Variants in CDH12 observed in about 807,000 individuals in gnomAD.
The protein encoded by CDH12 is cadherin 12, also known as cadherin-12.
In CDH12, 41 loss-of-function variants were observed where a neutral mutation model predicts 74.1. The ratio of observed to expected loss-of-function variants is 0.55; its 90% CI spans 0.43 to 0.72. The LOEUF is 0.72. CDH12 is among the 30% of genes least tolerant of loss of function. The probability of loss-of-function intolerance (pLI) is 0.00; values close to 1 mark genes in which losing one functional copy is unlikely to be tolerated. For missense variants in CDH12, 945 were observed against 977.2 expected (o/e 0.97, Z 0.44); for synonymous variants, 399 against 355.0 (o/e 1.12, Z -1.39).
At chr5:22,429,730 C>T (rs1055216920) in intron 2 of CDH12, among the ~76,000 whole-genome samples, 3 of 152,070 alleles carry the variant, frequency 2.0e-5, no homozygotes, top group African/African-American at 7.2e-5. Flanking sequence ...ATGTTTAATG[C>T]TAAGTTATTC....
intron 1 of CDH12, among the ~76,000 whole-genome samples, chr5:22,792,690 G>T (rs553057854): frequency 6.6e-6 from 1 of 152,046 alleles, no homozygotes; most frequent in African/African-American, 2.4e-5. Context: ...AATTTGAGTC[G>T]GTTCTGAGGA....
At chr5:22,751,826 T>C (rs1745591122) in intron 1 of CDH12, among the ~76,000 whole-genome samples, 1 of 152,226 alleles carries the variant, frequency 6.6e-6, no homozygotes, top group Non-Finnish European at 1.5e-5. Flanking sequence ...CCATACATAT[T>C]TATCATGTGT....
intron 6 of CDH12, among the ~76,000 whole-genome samples, chr5:21,947,506 A>G (rs1755633136): frequency 6.6e-6 from 1 of 152,206 alleles, no homozygotes; most frequent in South Asian, 2.1e-4. Context: ...TAGCAAAGAG[A>G]CTAGAAGCAT....
chr5:22,328,264 A>G (rs1739208418), intron 3 of CDH12, among the ~76,000 whole-genome samples: 1 of 152,230 alleles, frequency 6.6e-6, no homozygotes, highest in Non-Finnish European at 1.5e-5. Context: ...CTGTTCATAC[A>G]TAGTTACTAG....
At chr5:22,466,389 G>C (rs1051949231) in intron 2 of CDH12, among the ~76,000 whole-genome samples, 5 of 152,184 alleles carry the variant, frequency 3.3e-5, no homozygotes. Flanking sequence ...GAACTGGGAT[G>C]TACAGACCAA....
chr5:22,748,376 A>G (rs2127029762), intron 1 of CDH12, among the ~76,000 whole-genome samples: 1 of 152,240 alleles, frequency 6.6e-6, no homozygotes, highest in Non-Finnish European at 1.5e-5. Flanking sequence ...AAATATAGAT[A>G]ATACTGGCAG....
At chr5:22,249,271 A>C (rs542446776) in intron 3 of CDH12, among the ~76,000 whole-genome samples, 1 of 152,336 alleles carries the variant, frequency 6.6e-6, no homozygotes, top group East Asian at 1.9e-4. Context: ...AGGTTAAAGG[A>C]AGCATAACAA....
intron 5 of CDH12, among the ~76,000 whole-genome samples, chr5:22,059,967 A>G (rs974301087): frequency 1.3e-5 from 2 of 152,128 alleles, no homozygotes; most frequent in African/African-American, 4.8e-5. Context: ...ATGTATGTAT[A>G]CTAGAGAGGT....
intron 6 of CDH12, among the ~76,000 whole-genome samples, chr5:21,856,691 T>G (rs760489724): frequency 6.6e-6 from 1 of 151,838 alleles, no homozygotes; most frequent in Non-Finnish European, 1.5e-5. Context: ...ATTGTTTATA[T>G]TAATTATTTT....
chr5:22,838,526 A>C (rs2126516619), intron 1 of CDH12, among the ~76,000 whole-genome samples: 1 of 152,254 alleles, frequency 6.6e-6, no homozygotes, highest in Non-Finnish European at 1.5e-5. Context: ...ATAACTAATA[A>C]AACTGATTCA....
chr5:22,155,450 G>A (rs2150314654), intron 4 of CDH12, among the ~76,000 whole-genome samples: 1 of 152,212 alleles, frequency 6.6e-6, no homozygotes, highest in Non-Finnish European at 1.5e-5. Flanking sequence ...AGGAAACATA[G>A]TTAGAAATTT....
At chr5:22,444,745 A>G (rs1366372929) in intron 2 of CDH12, among the ~76,000 whole-genome samples, 1 of 152,082 alleles carries the variant, frequency 6.6e-6, no homozygotes, top group African/African-American at 2.4e-5. Context: ...AATAAATTAT[A>G]TGGAGGAATA....
chr5:22,581,548 G>T (rs1740102835), intron 1 of CDH12, among the ~76,000 whole-genome samples: 1 of 152,326 alleles, frequency 6.6e-6, no homozygotes, highest in South Asian at 2.1e-4. Context: ...AGTTGCCAAG[G>T]CTTGAGGCTT....
At chr5:21,792,148 A>G (rs1234996275) in intron 10 of CDH12, among the ~76,000 whole-genome samples, 3 of 151,952 alleles carry the variant, frequency 2.0e-5, no homozygotes, top group Non-Finnish European at 2.9e-5. Flanking sequence ...AAGTAAATTC[A>G]GTTCAATTCA....
At chr5:22,146,080 T>C (rs561168435) in intron 4 of CDH12, among the ~76,000 whole-genome samples, 1 of 152,058 alleles carries the variant, frequency 6.6e-6, no homozygotes, top group Non-Finnish European at 1.5e-5. Flanking sequence ...TTAATTGTAA[T>C]GACCTGTAAA....
At chr5:22,439,768 T>C (rs1032948668) in intron 2 of CDH12, among the ~76,000 whole-genome samples, 9 of 152,024 alleles carry the variant, frequency 5.9e-5, no homozygotes, top group Non-Finnish European at 8.8e-5. Context: ...AAAAGGTCTG[T>C]TATGAGGTTT....
intron 6 of CDH12, among the ~76,000 whole-genome samples, chr5:21,952,617 A>G: frequency 6.6e-6 from 1 of 152,204 alleles, no homozygotes; most frequent in African/African-American, 2.4e-5. Flanking sequence ...ATCAGGGTGT[A>G]CTGGGAGAAA....
intron 4 of CDH12, among the ~76,000 whole-genome samples, chr5:22,084,433 C>T (rs1742935067): frequency 6.6e-6 from 1 of 152,124 alleles, no homozygotes; most frequent in African/African-American, 2.4e-5. Context: ...TACATGAATT[C>T]ACAGCATAGT....
At chr5:22,394,686 CT>C (rs1403867369) in intron 3 of CDH12, among the ~76,000 whole-genome samples, 4 of 152,054 alleles carry the variant, frequency 2.6e-5, no homozygotes, top group African/African-American at 4.8e-5. Context: ...CAATTTCTGC[CT>C]TTTGGAATGG....
Sources: allele counts gnomAD v4.1 joint callset (sites outside exome capture counted in the v4.1 genomes callset), GRCh38; gene constraint gnomAD v4.1.1; transcripts MANE v1.5; gene names NCBI Gene and HGNC (gene_info 2026-07-23, HGNC 2026-07-21).